SLC9A8: variants seen among roughly 807,000 people sequenced by gnomAD.
The protein encoded by SLC9A8 is sodium/hydrogen exchanger 8.
In SLC9A8, 48 loss-of-function variants were observed where a neutral mutation model predicts 66.6. The ratio of observed to expected loss-of-function variants is 0.72; its 90% confidence interval spans 0.57 to 0.92. SLC9A8 has a LOEUF of 0.92. Among genes scored for constraint, SLC9A8 ranks in the 40% least tolerant of loss-of-function variants. SLC9A8 has a pLI of 0.00. For missense variants in SLC9A8, 599 were observed against 747.3 expected (o/e 0.80, Z 2.31); for synonymous variants, 274 against 282.6 (o/e 0.97, Z 0.31).
At chr20:49,823,601 G>A (rs2086818622) in intron 3 of SLC9A8, among the ~76,000 whole-genome samples, 1 of 152,238 alleles carries the variant, frequency 6.6e-6, no homozygotes, top group South Asian at 2.1e-4. Context: ...TCTTCAGAGA[G>A]CATTGTGCTC....
At position 49,846,573 on chromosome 20, in the gene SLC9A8, A is replaced by G. The variant is rs563850783; in HGVS notation, c.432+1454A>G. Among the ~76,000 whole-genome samples, 103 of 152,042 alleles carry G rather than the reference A, an allele frequency of 6.8e-4. 1 individual carries two copies. The highest frequency in any genetic ancestry group is 1.2e-3 in the Non-Finnish European group (79 of 68,008). On this transcript the variant is annotated intron_variant, in intron 5 of 15. Coordinates refer to ENST00000361573, the MANE Select transcript of SLC9A8 (RefSeq NM_015266.3). ...GCTTGTTATTAATGATAAAAATGTC[A>G]TTTATTATTAATAACAATATTACCA...
intron 4 of SLC9A8, among the ~76,000 whole-genome samples, chr20:49,841,540 T>C (rs1238872524): frequency 4.0e-5 from 6 of 151,704 alleles, no homozygotes; most frequent in Non-Finnish European, 4.4e-5. Flanking sequence ...AATATTTTTC[T>C]ATCAACTTGC....
Position 49,849,641 on chromosome 20 carries a change from C to T in SLC9A8, c.495C>T (p.Ser165=), listed in dbSNP as rs756655166. ...TLFAVFGTAI[S]AFVVGGGIYF... Reference sequence around the variant, plus strand: ...TTGCTGTTTTTGGGACGGCAATCTCCGCTTTTGTAGTAGGTGGAGGAATTT... The same window carrying T: ...TTGCTGTTTTTGGGACGGCAATCTCTGCTTTTGTAGTAGGTGGAGGAATTT... The change falls in exon 6 of 16, where the codon TCC becomes TCT. Residue 165 remains serine, a synonymous_variant. Transcript: ENST00000361573. 44 of 1,613,738 alleles carry T rather than the reference C, an allele frequency of 2.7e-5. 1 individual carries two copies. Among genetic ancestry groups the T allele is most frequent in the South Asian group, 2.0e-4 (18 of 91,090 alleles).
At chr20:49,835,039 G>A (rs889064404) in intron 3 of SLC9A8, among the ~76,000 whole-genome samples, 1 of 152,182 alleles carries the variant, frequency 6.6e-6, no homozygotes, top group African/African-American at 2.4e-5. Context: ...TATCCAGCGC[G>A]ACTGAGGATG....
chr20:49,842,057 T>A (rs897148811), intron 4 of SLC9A8, among the ~76,000 whole-genome samples: 4 of 135,832 alleles, frequency 2.9e-5, no homozygotes, highest in African/African-American at 1.1e-4. Flanking sequence ...TTATTTTATT[T>A]TATTTTTTTT....
chr20:49,838,393 C>G (rs1314952618), intron 3 of SLC9A8, among the ~76,000 whole-genome samples: 1 of 152,252 alleles, frequency 6.6e-6, no homozygotes, highest in African/African-American at 2.4e-5. Flanking sequence ...TCCATGCCCT[C>G]TGGCAAGGGA....
intron 8 of SLC9A8, among the ~76,000 whole-genome samples, chr20:49,861,227 G>A (rs1049679139): frequency 6.6e-5 from 10 of 152,180 alleles, no homozygotes; most frequent in Non-Finnish European, 1.0e-4. Context: ...GAAACTGTGA[G>A]TTCTGAACAG....
chr20:49,884,172 G>T, intron 14 of SLC9A8, 106 bp downstream of exon 14: 1 of 866,528 alleles, frequency 1.2e-6, no homozygotes, highest in Non-Finnish European at 1.8e-6. Context: ...TTCTTGCTTT[G>T]AGGATGCCCA....
intron 2 of SLC9A8, among the ~76,000 whole-genome samples, chr20:49,817,525 ACATTT>A (rs958236897): frequency 1.3e-5 from 2 of 150,008 alleles, no homozygotes; most frequent in African/African-American, 4.9e-5. Flanking sequence ...AACTTCTCTT[ACATTT>A]ATATTCTGTC....
chr20:49,850,763 G>T (rs1568837917), intron 6 of SLC9A8, 47 bp from the exon 7 acceptor site: 9 of 1,371,630 alleles, frequency 6.6e-6, no homozygotes, highest in South Asian at 1.4e-5. Flanking sequence ...GTTCTCCAGG[G>T]TTTTTTTTTT....
intron 2 of SLC9A8, among the ~76,000 whole-genome samples, chr20:49,816,399 G>A (rs1362647574): frequency 2.6e-5 from 4 of 151,272 alleles, no homozygotes; most frequent in South Asian, 2.1e-4. Flanking sequence ...TAGCCTGGGC[G>A]ACAGAGTGAG....
In SLC9A8 at chr20:49,880,983, C is replaced by A; in HGVS notation, c.1218C>A (p.Phe406Leu). ...TCCCTCTTTCCTACCTCCTGAATTT[C>A]TTCCGGGATCATAAAATCACACCGA... ...NIFPLSYLLN[F>L]FRDHKITPKM... Residue 406 changes from phenylalanine to leucine, a missense_variant, in exon 13 of 16, where the codon TTC (phenylalanine) becomes TTA (leucine). By Grantham distance (22) the Phe-to-Leu change is conservative (BLOSUM62 0). Coordinates refer to ENST00000361573, the MANE Select transcript of SLC9A8 (RefSeq NM_015266.3). The A allele has an allele frequency of 6.2e-7, 1 of 1,614,074 alleles. No homozygotes were observed.
chr20:49,814,028 A>G (rs138948278), intron 1 of SLC9A8, among the ~76,000 whole-genome samples: 2 of 152,322 alleles, frequency 1.3e-5, no homozygotes, highest in African/African-American at 4.8e-5. Context: ...GAACCCCTTC[A>G]TTGATACTGG....
In SLC9A8 at chr20:49,843,290, C is replaced by T. The variant is rs1254122420; in HGVS notation, c.349-1746C>T. Among the ~76,000 whole-genome samples, 5 of 152,098 alleles carry T rather than the reference C, an allele frequency of 3.3e-5. No homozygotes were observed. The South Asian group carries it at 6.2e-4, about 19-fold the overall frequency. On this transcript the variant is annotated intron_variant, in intron 4 of 15. Coordinates refer to ENST00000361573, the MANE Select transcript of SLC9A8 (RefSeq NM_015266.3). ...AGGTTGCCCCGTAAAACACAGAGCT[C>T]GGCTCATTTTTTTTCACACAGTCCC...
intron 2 of SLC9A8, among the ~76,000 whole-genome samples, chr20:49,821,277 T>C (rs1188750714): frequency 6.6e-6 from 1 of 152,238 alleles, no homozygotes; most frequent in Admixed American, 6.5e-5. Flanking sequence ...CTGGTTCAAC[T>C]CTCTTGGTCT....
At chr20:49,881,788 T>C (rs946722103) in intron 13 of SLC9A8, among the ~76,000 whole-genome samples, 1 of 152,234 alleles carries the variant, frequency 6.6e-6, no homozygotes, top group African/African-American at 2.4e-5. Context: ...TATATACATA[T>C]ACATTTATAT....
Position 49,887,799 on chromosome 20 carries a change from CTGACGGCTTGGTTGTG to C in SLC9A8, c.1639-28_1639-13del. 1.3e-6 allele frequency: 2 copies of C among 1,545,446 alleles called. No individual in the cohort carries two copies. Among genetic ancestry groups the C allele is most frequent in the South Asian group, 2.4e-5 (2 of 82,928 alleles). On this transcript the variant is annotated splice_polypyrimidine_tract_variant and intron_variant, in intron 15 of 15. Transcript: ENST00000361573. ...CTTCCATGGCCCTGCCCCTGACGCC[CTGACGGCTTGGTTGTG>C]TCTCTCGACCCAGGACCTGCACCAC...
chr20:49,815,166 T>C lies in SLC9A8; in HGVS notation c.185T>C (p.Ile62Thr). ...GAGGAGCAGTCCAGCGGCATGACCA[T>C]TTTCTTCAGCCTCCTTGTCCTAGGT... ...QQEEQSSGMT[I>T]FFSLLVLAIC... The change falls in exon 2 of 16, where the codon ATT (isoleucine) becomes ACT (threonine). Residue 62 changes from isoleucine (I) to threonine (T), a missense_variant. Physicochemically the swap from Ile to Thr is moderately conservative, Grantham distance 89. This residue lies in a region of SLC9A8 where 132 missense variants were observed against 120.9 expected (regional missense o/e 1.09). Transcript: ENST00000361573. 1.3e-6 allele frequency: 2 copies of C among 1,568,960 alleles called. No homozygotes were observed. Among genetic ancestry groups the C allele is most frequent in the Non-Finnish European group, 1.7e-6 (2 of 1,156,064 alleles).
chr20:49,882,054 C>T (rs755117784), intron 13 of SLC9A8, among the ~76,000 whole-genome samples: 9 of 152,124 alleles, frequency 5.9e-5, no homozygotes, highest in South Asian at 2.1e-4. Context: ...GGATCCTCAA[C>T]GAGGGGCACT....
Sources: allele counts gnomAD v4.1 joint callset (sites outside exome capture counted in the v4.1 genomes callset), GRCh38; gene constraint gnomAD v4.1.1; regional missense constraint gnomAD v4.1.1; transcripts MANE v1.5; gene names NCBI Gene and HGNC (gene_info 2026-07-23, HGNC 2026-07-21).